ASTN2: variants seen among roughly 807,000 people sequenced by gnomAD.
The protein encoded by ASTN2 is astrotactin-2.
In ASTN2, 54 loss-of-function variants were observed where a neutral mutation model predicts 139.8. The ratio of observed to expected loss-of-function variants is 0.39; its 90% CI spans 0.31 to 0.48. The LOEUF (loss-of-function observed/expected upper bound fraction) is 0.48, where lower values mean the gene tolerates loss of function less well. Ranked by LOEUF, ASTN2 falls within the 20% of genes least tolerant of loss-of-function variation. ASTN2 has a pLI of 0.95. For synonymous variants in ASTN2, 756 were observed against 719.5 expected, an observed-to-expected ratio of 1.05 and a Z score of -0.81; for missense variants, 1,565 against 1,725.1, an observed-to-expected ratio of 0.91 and a Z score of 1.64.
At chr9:117,025,555 T>C (rs1838043480) in intron 6 of ASTN2, among the ~76,000 whole-genome samples, 1 of 152,100 alleles carries the variant, frequency 6.6e-6, no homozygotes, top group Non-Finnish European at 1.5e-5. Flanking sequence ...ATAGGTCATG[T>C]TAACACTCAT....
chr9:117,398,877 G>T (rs1564184806), intron 1 of ASTN2, among the ~76,000 whole-genome samples: 1 of 152,184 alleles, frequency 6.6e-6, no homozygotes, highest in East Asian at 1.9e-4. Context: ...CGCCTCCCGG[G>T]TTCAAGCAAT....
intron 4 of ASTN2, among the ~76,000 whole-genome samples, chr9:117,109,775 T>G (rs533410244): frequency 6.6e-6 from 1 of 152,356 alleles, no homozygotes; most frequent in East Asian, 1.9e-4. Context: ...TTTGCTTATT[T>G]TCTTTCAAAT....
At chr9:117,246,948 A>G (rs1420791435) in intron 2 of ASTN2, among the ~76,000 whole-genome samples, 1 of 152,146 alleles carries the variant, frequency 6.6e-6, no homozygotes, top group East Asian at 1.9e-4. Context: ...CCCAGAAGCA[A>G]CATCTGGAAT....
rs115579732 is a variant in ASTN2, at chr9:116,909,450, T to A, written c.1890-45717A>T. Among the ~76,000 whole-genome samples the A allele has an allele frequency of 7.7e-3, 1,167 of 152,356 alleles. 25 individuals are homozygous for A. The highest frequency in any genetic ancestry group is 0.027 in the African/African-American group (1,110 of 41,584). ...TTGGCCTGAGTAATAGGATGCATGT[T>A]GGTTCAATTTCCAGTGTAGGGAAAA... On this transcript the variant is annotated intron_variant, in intron 10 of 22. Transcript: ENST00000313400.
At chr9:116,720,430 A>C (rs974603704) in intron 16 of ASTN2, among the ~76,000 whole-genome samples, 1 of 152,194 alleles carries the variant, frequency 6.6e-6, no homozygotes, top group Admixed American at 6.5e-5. Flanking sequence ...TACACTTGGA[A>C]AAGACATGTT....
chr9:116,519,577 A>G (rs1390687682), intron 19 of ASTN2, among the ~76,000 whole-genome samples: 1 of 152,076 alleles, frequency 6.6e-6, no homozygotes, highest in Non-Finnish European at 1.5e-5. Flanking sequence ...TAAATTGACA[A>G]TCTAAGACCA....
intron 1 of ASTN2, among the ~76,000 whole-genome samples, chr9:117,371,522 T>C (rs1318130560): frequency 6.6e-6 from 1 of 152,072 alleles, no homozygotes; most frequent in Non-Finnish European, 1.5e-5. Context: ...AAACACAAAC[T>C]TAGGAGCTGG....
intron 10 of ASTN2, among the ~76,000 whole-genome samples, chr9:116,921,853 A>C (rs1402123410): frequency 6.6e-6 from 1 of 152,124 alleles, no homozygotes; most frequent in Admixed American, 6.5e-5. Context: ...ATTATCCAAT[A>C]ACCTTCCACT....
intron 13 of ASTN2, among the ~76,000 whole-genome samples, chr9:116,775,837 CA>C (rs1830076127): frequency 1.1e-5 from 1 of 95,052 alleles, no homozygotes; most frequent in Non-Finnish European, 2.2e-5. Flanking sequence ...GGAAGGAAGG[CA>C]GGCAGGCAGG....
chr9:116,950,805 C>A (rs140423855), intron 10 of ASTN2, among the ~76,000 whole-genome samples: 28 of 152,294 alleles, frequency 1.8e-4, no homozygotes, highest in Non-Finnish European at 3.4e-4. Flanking sequence ...CATGCCAGAT[C>A]TGGCCAGTCA....
chr9:116,728,883 A>G (rs1828702922), intron 15 of ASTN2, 109 bp downstream of exon 15: 1 of 892,762 alleles, frequency 1.1e-6, no homozygotes, highest in African/African-American at 1.6e-5. Flanking sequence ...ATGCATCCTC[A>G]TTTCCTCAGC....
chr9:116,614,338 C>T (rs1855721202), intron 19 of ASTN2, among the ~76,000 whole-genome samples: 1 of 152,132 alleles, frequency 6.6e-6, no homozygotes, highest in Admixed American at 6.5e-5. Flanking sequence ...CAGCAAGCTA[C>T]CAATGACTTT....
At chr9:116,932,464 G>A (rs1054085057) in intron 10 of ASTN2, among the ~76,000 whole-genome samples, 2 of 152,206 alleles carry the variant, frequency 1.3e-5, no homozygotes, top group African/African-American at 4.8e-5. Flanking sequence ...CAGGATATAT[G>A]TGGAAGTAAG....
chr9:116,495,113 G>A (rs747470597), intron 19 of ASTN2, among the ~76,000 whole-genome samples: 10 of 152,168 alleles, frequency 6.6e-5, no homozygotes, highest in Admixed American at 4.6e-4. Context: ...AGGAAATGAC[G>A]TAAAGATAAG....
intron 16 of ASTN2, among the ~76,000 whole-genome samples, chr9:116,658,553 G>A (rs539145569): frequency 4.6e-5 from 7 of 152,224 alleles, no homozygotes; most frequent in African/African-American, 1.7e-4. Context: ...GCCAGACAAA[G>A]AGAAATGGCA....
rs1387789016 is a variant in ASTN2, at chr9:116,424,977, G to A, written c.*874C>T. Among the ~76,000 whole-genome samples the A allele has an allele frequency of 6.6e-6, 1 of 152,060 alleles. No homozygotes were observed. The highest frequency in any genetic ancestry group is 2.4e-5 in the African/African-American group (1 of 41,406). On this transcript the variant is annotated 3_prime_UTR_variant, in exon 23 of 23. Coordinates refer to ENST00000313400, the MANE Select transcript of ASTN2 (RefSeq NM_001365068.1). ...ATCACTTTTTCAAGGAAGCATTTCA[G>A]GAGCCCTCCAGTGTGTCTCATGCTC...
chr9:116,908,986 G>A (rs1481177262), intron 10 of ASTN2, among the ~76,000 whole-genome samples: 1 of 152,188 alleles, frequency 6.6e-6, no homozygotes. Context: ...ACAGGCGAGG[G>A]ACTGGAGTGG....
At chr9:117,012,029 T>C (rs752112946) in intron 6 of ASTN2, among the ~76,000 whole-genome samples, 6 of 152,156 alleles carry the variant, frequency 3.9e-5, no homozygotes, top group Non-Finnish European at 5.9e-5. Context: ...TCATGACTCG[T>C]TAGTCCTTAT....
At chr9:117,368,617 A>G (rs1829909217) in intron 1 of ASTN2, among the ~76,000 whole-genome samples, 1 of 152,150 alleles carries the variant, frequency 6.6e-6, no homozygotes, top group Non-Finnish European at 1.5e-5. Flanking sequence ...CTAATCTTGT[A>G]CTGAAAGGTG....
Sources: gnomAD v4.1 joint callset for allele counts (sites outside exome capture counted in the v4.1 genomes callset) on GRCh38, gnomAD v4.1.1 for gene constraint, MANE v1.5 for transcripts, NCBI Gene and HGNC (gene_info 2026-07-23, HGNC 2026-07-21) for gene names.